The following ARID3A variants were observed in gnomAD, a reference collection of about 807,000 sequenced individuals.
ARID3A encodes the protein AT-rich interactive domain-containing protein 3A.
Under a neutral mutation model 52.7 loss-of-function variants are expected in ARID3A, and 11 were observed. The ratio of observed to expected loss-of-function variants is 0.21; its 90% CI spans 0.13 to 0.35. The LOEUF (loss-of-function observed/expected upper bound fraction) is 0.35, where lower values mean the gene tolerates loss of function less well. Among genes scored for constraint, ARID3A ranks in the 10% least tolerant of loss-of-function variants. The probability of loss-of-function intolerance (pLI) is 1.00; values close to 1 mark genes in which losing one functional copy is unlikely to be tolerated. For missense variants in ARID3A, 721 were observed against 838.5 expected, an observed-to-expected ratio of 0.86 and a Z score of 1.73; for synonymous variants, 404 against 359.4, an observed-to-expected ratio of 1.12 and a Z score of -1.40.
chr19:938,153 CTT>C lies in ARID3A; in HGVS notation c.693+5414_693+5415del, dbSNP rs199534300. Among the ~76,000 whole-genome samples the C allele has an allele frequency of 0.013, 1,983 of 152,206 alleles. 27 individuals are homozygous for C. Among genetic ancestry groups the C allele is most frequent in the African/African-American group, 0.044 (1,808 of 41,510 alleles). On this transcript the variant is annotated intron_variant, in intron 3 of 8. Transcript: ENST00000263620. The surrounding 1 kb of genome is among the most constrained non-coding windows in gnomAD (Gnocchi z 4.0). ...GCCACCGCGCCCGGCCTGTTGTCGACTTTTGATCCTAGCCTCCTTGTGGGGGT... is the reference window on the plus strand; with the variant it reads ...GCCACCGCGCCCGGCCTGTTGTCGACTTGATCCTAGCCTCCTTGTGGGGGT...
intron 3 of ARID3A, among the ~76,000 whole-genome samples, chr19:933,176 G>A (rs1053389463): frequency 7.2e-5 from 11 of 152,198 alleles, no homozygotes; most frequent in African/African-American, 2.2e-4. Context: ...GGAGAGCCGT[G>A]GGGGGTTGCG....
chr19:953,480 C>CG (rs139895513), intron 3 of ARID3A, among the ~76,000 whole-genome samples: 2 of 151,956 alleles, frequency 1.3e-5, no homozygotes, highest in Non-Finnish European at 2.9e-5. Flanking sequence ...CCCACACCCC[C>CG]CCCCGTGCAG....
chr19:940,237 GA>G (rs2037519312), intron 3 of ARID3A, among the ~76,000 whole-genome samples: 1 of 152,172 alleles, frequency 6.6e-6, no homozygotes, highest in Non-Finnish European at 1.5e-5. Context: ...TACATTGGAA[GA>G]AGAAGAATTG....
intron 3 of ARID3A, among the ~76,000 whole-genome samples, chr19:948,683 G>A (rs571475385): frequency 6.6e-6 from 1 of 151,354 alleles, no homozygotes; most frequent in African/African-American, 2.4e-5. Flanking sequence ...GGGAGGGGAC[G>A]AGGGATGAGG....
intron 3 of ARID3A, among the ~76,000 whole-genome samples, chr19:950,952 A>G (rs1257969277): frequency 6.6e-6 from 1 of 151,834 alleles, no homozygotes; most frequent in Non-Finnish European, 1.5e-5. Context: ...CCTCTTGAGT[A>G]GCTGGGGTTA....
At position 966,873 on chromosome 19, in the gene ARID3A, T is replaced by G; in HGVS notation, c.1495+5T>G. The G allele has an allele frequency of 1.6e-5, 25 of 1,597,388 alleles. No individual in the cohort carries two copies. Among genetic ancestry groups the G allele is most frequent in the Non-Finnish European group, 2.1e-5 (25 of 1,168,456 alleles). On this transcript the variant is annotated splice_donor_5th_base_variant and intron_variant, in intron 7 of 8. Coordinates refer to ENST00000263620, the MANE Select transcript of ARID3A (RefSeq NM_005224.3). ...GCATTCGGATCAACAGCCAAGGTAC[T>G]GCCCTCGTGCCCAGACCCGCTGTGC...
chr19:953,116 G>A (rs186997128), intron 3 of ARID3A, among the ~76,000 whole-genome samples: 46 of 152,152 alleles, frequency 3.0e-4, no homozygotes, highest in Middle Eastern at 3.4e-3. Context: ...TCCTGAGCCG[G>A]GGCTGAACTC....
rs775338115 is a variant in ARID3A at position 973,104 on chromosome 19, A to ATCTT, written c.*1040_*1041insCTTT. The stretch of plus-strand genomic sequence containing the variant: ...GGGCTCTCGAGTCAGGGGCCTGGAA[A>ATCTT]TTTTTTTTTTTTTTTTTTTTTGAGA... On this transcript the variant is annotated 3_prime_UTR_variant, in exon 9 of 9. Coordinates refer to ENST00000263620, the MANE Select transcript of ARID3A (RefSeq NM_005224.3). The ATCTT allele has an allele frequency of 1.7e-4, 9 of 53,678 alleles. No individual in the cohort carries two copies. The highest frequency in any genetic ancestry group is 9.8e-4 in the East Asian group (2 of 2,046). 3.3% of individuals were successfully genotyped at this position (53,678 alleles called of 1,614,324 possible). A position where few individuals can be genotyped will look rare whatever the true frequency, so the allele number is the denominator to read the frequency against.
rs2038010342 is a variant in ARID3A at position 960,201 on chromosome 19, A to G, written c.766+37A>G. ...GCCCCCACCCCGCTGGAGGGAGGTCACAGAAACAGGGCTGTAGGAGGGGCC... is the reference window on the plus strand; with the variant it reads ...GCCCCCACCCCGCTGGAGGGAGGTCGCAGAAACAGGGCTGTAGGAGGGGCC... On this transcript the variant is annotated intron_variant, in intron 4 of 8. Transcript: ENST00000263620. The surrounding 1 kb of genome is among the most constrained non-coding windows in gnomAD (Gnocchi z 4.3). The G allele has an allele frequency of 6.3e-7, 1 of 1,575,394 alleles. No homozygotes were observed. The highest frequency in any genetic ancestry group is 8.7e-7 in the Non-Finnish European group (1 of 1,153,048).
In ARID3A at chr19:974,828, G is replaced by C. The variant is rs531982142; in HGVS notation, c.*2763G>C. The C allele has an allele frequency of 6.7e-5, 10 of 149,290 alleles. No individual in the cohort carries two copies. In the South Asian group the frequency reaches 2.5e-3, roughly 38 times the overall value. The allele number at this position is 149,290 out of a possible 1,614,324, so 9.2% of individuals were successfully genotyped here. On this transcript the variant is annotated 3_prime_UTR_variant, in exon 9 of 9. Coordinates refer to ENST00000263620, the MANE Select transcript of ARID3A (RefSeq NM_005224.3). The stretch of plus-strand genomic sequence containing the variant: ...ACCTGGATTCTAACTCAGAGGACTT[G>C]AGCCTGCTGTTAACTCCGATGATTG...
chr19:935,802 ATT>A (rs1282348970), intron 3 of ARID3A, among the ~76,000 whole-genome samples: 29 of 148,776 alleles, frequency 1.9e-4, no homozygotes, highest in Non-Finnish European at 2.5e-4. Context: ...TTGTTTATTT[ATT>A]TTTTGAGACG....
rs949789353 is a variant in ARID3A, at chr19:959,866, C to G, written c.694-226C>G. 6.6e-6 allele frequency among the ~76,000 whole-genome samples: 1 copy of G among 152,128 alleles called. No homozygotes were observed. Among genetic ancestry groups the G allele is most frequent in the African/African-American group, 2.4e-5 (1 of 41,410 alleles). ...GTCCCAGGCCACCTGGTTTCTGGTG[C>G]CTCCTTGCAGACCCTCTGGGAAGCT... On this transcript the variant is annotated intron_variant, in intron 3 of 8. Coordinates refer to ENST00000263620, the MANE Select transcript of ARID3A (RefSeq NM_005224.3). The surrounding 1 kb of genome is among the most constrained non-coding windows in gnomAD (Gnocchi z 5.0).
chr19:932,456 T>G lies in ARID3A; in HGVS notation c.407T>G (p.Leu136Arg). The change falls in exon 3 of 9, where the codon CTC (leucine) becomes CGC (arginine). Residue 136 changes from leucine (L) to arginine (R), a missense_variant. Physicochemically the swap from Leu to Arg is moderately radical, Grantham distance 102 (BLOSUM62 -2). Around this residue, in one of 5 missense-constraint regions of ARID3A, gnomAD observed 349 missense variants for 297.3 expected, o/e 1.17. Coordinates refer to ENST00000263620, the MANE Select transcript of ARID3A (RefSeq NM_005224.3). ...KWEEEEMEED[L>R]GEDEEEEEED... Reference sequence around the variant, plus strand: ...GAGGAGGAGGAGATGGAGGAAGACCTCGGGGAGGATGAGGAGGAGGAGGAG... The same window carrying G: ...GAGGAGGAGGAGATGGAGGAAGACCGCGGGGAGGATGAGGAGGAGGAGGAG... 6.3e-7 allele frequency: 1 copy of G among 1,586,840 alleles called. No individual in the cohort carries two copies. The highest frequency in any genetic ancestry group is 8.5e-7 in the Non-Finnish European group (1 of 1,172,786).
Position 941,806 on chromosome 19 carries a change from T to TGTGTGTGC in ARID3A, c.693+9066_693+9067insGTGTGCGT, listed in dbSNP as rs1367945944. On this transcript the variant is annotated intron_variant, in intron 3 of 8. Transcript: ENST00000263620. This position sits in a 1 kb window ranked among gnomAD's most constrained non-coding sequence, Gnocchi z 6.9. ...GTGTGTGTGTGTGTGTGTGTGTGTGTGTCAGGGGTGGCTGCAAGCGTATGT... is the reference window on the plus strand; with the variant it reads ...GTGTGTGTGTGTGTGTGTGTGTGTGTGTGTGTGCGTCAGGGGTGGCTGCAAGCGTATGT... Among the ~76,000 whole-genome samples, 1 of 150,138 alleles carries TGTGTGTGC rather than the reference T, an allele frequency of 6.7e-6. No individual in the cohort carries two copies. The highest frequency in any genetic ancestry group is 2.5e-5 in the African/African-American group (1 of 40,728).
chr19:927,296 C>T (rs920852529), intron 1 of ARID3A, among the ~76,000 whole-genome samples: 1 of 142,972 alleles, frequency 7.0e-6, no homozygotes, highest in Non-Finnish European at 1.6e-5. Flanking sequence ...GGGTGGGGGT[C>T]GAGGACAAAG....
Position 966,856 on chromosome 19 carries a change from A to G in ARID3A, c.1483A>G (p.Ile495Val). The change falls in exon 7 of 9, where the codon ATC (isoleucine) becomes GTC (valine). Residue 495 changes from isoleucine (I) to valine (V), a missense_variant. Ile to Val is a conservative substitution (Grantham distance 29, BLOSUM62 3). Around this residue, in one of 5 missense-constraint regions of ARID3A, gnomAD observed 297 missense variants for 343.2 expected, o/e 0.87. Transcript: ENST00000263620. Reference sequence around the variant, plus strand: ...GGCCCAGCTGCCCATGAGCATTCGGATCAACAGCCAAGGTACTGCCCTCGT... The same window carrying G: ...GGCCCAGCTGCCCATGAGCATTCGGGTCAACAGCCAAGGTACTGCCCTCGT... ...MAAQLPMSIR[I>V]NSQASESRQD... 6.2e-7 allele frequency: 1 copy of G among 1,609,518 alleles called. No homozygotes were observed. The highest frequency in any genetic ancestry group is 8.5e-7 in the Non-Finnish European group (1 of 1,176,982).
intron 3 of ARID3A, among the ~76,000 whole-genome samples, chr19:957,506 G>C (rs2037947645): frequency 6.6e-6 from 1 of 152,220 alleles, no homozygotes; most frequent in Non-Finnish European, 1.5e-5. Flanking sequence ...GCGATTTGCT[G>C]TGTGAACTCA....
At chr19:931,656 C>CA (rs936595331) in intron 2 of ARID3A, among the ~76,000 whole-genome samples, 8 of 151,624 alleles carry the variant, frequency 5.3e-5, no homozygotes, top group African/African-American at 1.9e-4. Flanking sequence ...ACTAAAAATA[C>CA]AAAAAAATTA....
chr19:968,729 A>T, intron 8 of ARID3A: 1 of 479,160 alleles, frequency 2.1e-6, no homozygotes, highest in Non-Finnish European at 3.8e-6. Flanking sequence ...ATACATATTC[A>T]GTGTGACGTT....
Sources: gnomAD v4.1 joint callset for allele counts (sites outside exome capture counted in the v4.1 genomes callset) on GRCh38, gnomAD v4.1.1 for gene constraint, gnomAD v4.1.1 regional missense constraint, Gnocchi (gnomAD v3.1) non-coding constraint, MANE v1.5 for transcripts, NCBI Gene and HGNC (gene_info 2026-07-23, HGNC 2026-07-21) for gene names.